TMEM182: variants seen among roughly 807,000 people sequenced by gnomAD.
TMEM182 encodes transmembrane protein 182.
In TMEM182, 20 loss-of-function variants were observed where a neutral mutation model predicts 26.8. The ratio of observed to expected loss-of-function variants is 0.75; its 90% confidence interval spans 0.53 to 1.09. TMEM182 has a LOEUF of 1.09. TMEM182 is among the 50% of genes least tolerant of loss of function. The pLI, the probability that TMEM182 is intolerant of heterozygous loss-of-function variation, is 0.00. For missense variants in TMEM182, 277 were observed against 275.5 expected (o/e 1.01, Z -0.04); for synonymous variants, 109 against 102.2 (o/e 1.07, Z -0.40).
intron 3 of TMEM182, among the ~76,000 whole-genome samples, chr2:102,785,899 A>G (rs1189955348): frequency 3.3e-5 from 5 of 152,328 alleles, no homozygotes; most frequent in Admixed American, 2.0e-4. Flanking sequence ...CCTTTGCTAT[A>G]ATTATTTTCT....
intron 3 of TMEM182, among the ~76,000 whole-genome samples, chr2:102,779,073 A>C (rs952565578): frequency 6.6e-6 from 1 of 152,036 alleles, no homozygotes; most frequent in African/African-American, 2.4e-5. Context: ...TTCATTACTG[A>C]ATTATATTTT....
chr2:102,787,845 C>T (rs1251077430), intron 3 of TMEM182, among the ~76,000 whole-genome samples: 1 of 152,120 alleles, frequency 6.6e-6, no homozygotes, highest in Non-Finnish European at 1.5e-5. Context: ...TGGAATATGA[C>T]TTAACCTCTC....
At chr2:102,782,062 T>G (rs753303092) in intron 3 of TMEM182, among the ~76,000 whole-genome samples, 2 of 152,100 alleles carry the variant, frequency 1.3e-5, no homozygotes, top group Middle Eastern at 3.2e-3. Flanking sequence ...TCCCAACACT[T>G]TGGGAGGCCG....
At chr2:102,818,522 C>T (rs1399991966), downstream of TMEM182, among the ~76,000 whole-genome samples, 2 of 152,134 alleles carry the variant, frequency 1.3e-5, no homozygotes, top group African/African-American at 4.8e-5. Flanking sequence ...TGAGACAAAC[C>T]TGGACTAGCC....
chr2:102,839,653 T>G (rs1683311397), intron 3 of TMEM182, among the ~76,000 whole-genome samples: 1 of 152,104 alleles, frequency 6.6e-6, no homozygotes, highest in Admixed American at 6.5e-5. Flanking sequence ...CCAACATGAC[T>G]TTTTAGGTAA....
intron 3 of TMEM182, among the ~76,000 whole-genome samples, chr2:102,838,398 C>G (rs1014355850): frequency 6.6e-6 from 1 of 152,096 alleles, no homozygotes; most frequent in African/African-American, 2.4e-5. Flanking sequence ...AATGCAATGT[C>G]ATGTGTATAG....
At chr2:102,775,369 G>C (rs2104684720) in intron 3 of TMEM182, 1 of 152,244 alleles carries the variant, frequency 6.6e-6, no homozygotes, top group African/African-American at 2.4e-5. Flanking sequence ...CAATAAATTA[G>C]GTATTGACGG....
chr2:102,821,912 C>T (rs541835592), downstream of TMEM182, among the ~76,000 whole-genome samples: 72 of 150,790 alleles, frequency 4.8e-4, no homozygotes, highest in African/African-American at 1.3e-3. Flanking sequence ...GGCGTGAACC[C>T]GGGAGGCAGA....
intron 1 of TMEM182, among the ~76,000 whole-genome samples, chr2:102,752,442 C>T (rs1336112538): frequency 1.3e-5 from 2 of 152,212 alleles, no homozygotes; most frequent in African/African-American, 2.4e-5. Flanking sequence ...AAGGACCTGG[C>T]TGAGCAGAAC....
chr2:102,834,462 G>T (rs1458177991), intron 3 of TMEM182: 1 of 984,854 alleles, frequency 1.0e-6, no homozygotes, highest in African/African-American at 1.7e-5. Flanking sequence ...ACGTCTGCCA[G>T]TGCCCCATGG....
At chr2:102,797,512 A>G (rs758829629) in intron 3 of TMEM182, among the ~76,000 whole-genome samples, 34 of 152,296 alleles carry the variant, frequency 2.2e-4, no homozygotes, top group Admixed American at 1.0e-3. Context: ...AGGCTACCCA[A>G]CTGGGTACTT....
intron 3 of TMEM182, among the ~76,000 whole-genome samples, chr2:102,777,347 A>G (rs1261995433): frequency 6.6e-6 from 1 of 152,046 alleles, no homozygotes; most frequent in African/African-American, 2.4e-5. Flanking sequence ...GTCTAGGTTC[A>G]TTATTTTGCG....
intron 4 of TMEM182, among the ~76,000 whole-genome samples, chr2:102,801,921 C>T (rs1474851193): frequency 1.3e-5 from 2 of 152,138 alleles, no homozygotes; most frequent in Non-Finnish European, 2.9e-5. Flanking sequence ...CAGCACAACT[C>T]TACATTGTTT....
At position 102,805,492 on chromosome 2, in the gene TMEM182, G is replaced by T. The variant is rs184532334; in HGVS notation, c.469+7492G>T. On this transcript the variant is annotated intron_variant, in intron 4 of 4. Transcript: ENST00000412401. The stretch of plus-strand genomic sequence containing the variant: ...CCTTGTTGGAGACATTCTGGTTCAC[G>T]GTCTAACACCTGCCCAGATAAATCA... Among the ~76,000 whole-genome samples the T allele has an allele frequency of 1.4e-3, 211 of 152,106 alleles. 2 individuals carry two copies. The highest frequency in any genetic ancestry group is 4.9e-3 in the African/African-American group (204 of 41,484).
chr2:102,815,530 A>C lies in TMEM182; in HGVS notation c.*562A>C. ...CACCAGTTAAAATGGGCCACAACAA[A>C]CAAGACTGAGAGCATGTACTTATCT... On this transcript the variant is annotated 3_prime_UTR_variant, in exon 5 of 5. Transcript: ENST00000412401. 3.0e-6 allele frequency: 3 copies of C among 985,796 alleles called. No individual in the cohort carries two copies. Among genetic ancestry groups the C allele is most frequent in the Non-Finnish European group, 3.6e-6 (3 of 830,220 alleles). The allele number at this position is 985,796 out of a possible 1,614,324, so 61.1% of individuals were successfully genotyped here. A position where few individuals can be genotyped will look rare whatever the true frequency, so the allele number is the denominator to read the frequency against.
intron 3 of TMEM182, among the ~76,000 whole-genome samples, chr2:102,791,064 T>C (rs1429691666): frequency 6.6e-6 from 1 of 152,018 alleles, no homozygotes; most frequent in Non-Finnish European, 1.5e-5. Flanking sequence ...GCCTCCCGAG[T>C]AGCTGGGATT....
intron 1 of TMEM182, among the ~76,000 whole-genome samples, chr2:102,746,236 G>C (rs527429334): frequency 7.8e-4 from 118 of 152,182 alleles, no homozygotes; most frequent in Non-Finnish European, 1.5e-3. Context: ...TGTATATCTT[G>C]TTGGGAGAAA....
At chr2:102,797,536 C>T (rs978115722) in intron 3 of TMEM182, among the ~76,000 whole-genome samples, 6 of 152,134 alleles carry the variant, frequency 3.9e-5, no homozygotes, top group African/African-American at 1.2e-4. Context: ...TGGGAGAACT[C>T]TTTAGAAGCA....
At chr2:102,750,392 C>T (rs928913907) in intron 1 of TMEM182, among the ~76,000 whole-genome samples, 1 of 152,142 alleles carries the variant, frequency 6.6e-6, no homozygotes, top group African/African-American at 2.4e-5. Flanking sequence ...GACCATTATT[C>T]CTATACCTGT....
Sources: gnomAD v4.1 joint callset for allele counts (sites outside exome capture counted in the v4.1 genomes callset) on GRCh38, gnomAD v4.1.1 for gene constraint, MANE v1.5 for transcripts, NCBI Gene and HGNC (gene_info 2026-07-23, HGNC 2026-07-21) for gene names.